Variants in ADCY5 observed in about 807,000 individuals in gnomAD.
ADCY5 encodes the protein adenylate cyclase 5.
ADCY5 carries 30 observed loss-of-function variants against 119.7 expected under a neutral mutation model. The observed-to-expected ratio is 0.25, with a 90% confidence interval of 0.19 to 0.34. The LOEUF (loss-of-function observed/expected upper bound fraction) is 0.34, where lower values mean the gene tolerates loss of function less well. Among genes scored for constraint, ADCY5 ranks in the 10% least tolerant of loss-of-function variants. The probability of loss-of-function intolerance (pLI) is 1.00; values close to 1 mark genes in which losing one functional copy is unlikely to be tolerated. For missense variants in ADCY5, 1,324 were observed against 1,775.2 expected (o/e 0.75, Z 4.57); for synonymous variants, 753 against 762.2 (o/e 0.99, Z 0.20).
intron 1 of ADCY5, among the ~76,000 whole-genome samples, chr3:123,443,573 C>T (rs1945759969): frequency 6.6e-6 from 1 of 152,176 alleles, no homozygotes; most frequent in Non-Finnish European, 1.5e-5. Context: ...CACACGTGCT[C>T]ACAGTCACAG....
At chr3:123,433,607 G>C (rs1234528150) in intron 1 of ADCY5, among the ~76,000 whole-genome samples, 2 of 152,158 alleles carry the variant, frequency 1.3e-5, no homozygotes, top group Admixed American at 1.3e-4. Context: ...GGTGTTGATG[G>C]TGCTGGGGAA....
At chr3:123,348,061 G>GTGTGTGTGTGTGTGTGTGTGTGTGTC (rs1347982680) in intron 2 of ADCY5, among the ~76,000 whole-genome samples, 158 bp from the exon 3 acceptor site, 2 of 150,638 alleles carry the variant, frequency 1.3e-5, no homozygotes, top group African/African-American at 4.9e-5. Flanking sequence ...GTGTGTGTGT[G>GTGTGTGTGTGTGTGTGTGTGTGTGTC]TGTCTGTGCA....
intron 1 of ADCY5, among the ~76,000 whole-genome samples, chr3:123,417,555 G>C (rs1301475667): frequency 6.6e-6 from 1 of 152,244 alleles, no homozygotes; most frequent in African/African-American, 2.4e-5. Flanking sequence ...CCACTTTGCT[G>C]AATGCTAGAG....
In ADCY5 at chr3:123,448,297, C is replaced by T. The variant is rs199649183; in HGVS notation, c.249G>A (p.Leu83=). The change falls in exon 1 of 21, where the codon CTG becomes CTA. Residue 83 remains leucine (L), a synonymous_variant. Coordinates refer to ENST00000462833, the MANE Select transcript of ADCY5 (RefSeq NM_183357.3). ...CCCCGGCCAGGGGGTCGTCACCGCT[C>T]AGCGGAGGATCGTCGTCGTCGTCGC... ...WRSDDDDDPP[L]SGDDPLAGGF... is the part of the protein sequence containing the mutation. 1.3e-6 allele frequency: 2 copies of T among 1,538,526 alleles called. No homozygotes were observed. The highest frequency in any genetic ancestry group is 1.2e-5 in the South Asian group (1 of 84,964).
chr3:123,286,321 A>G lies in ADCY5; in HGVS notation c.3657+364T>C, dbSNP rs1938756846. Among the ~76,000 whole-genome samples the G allele has an allele frequency of 6.6e-6, 1 of 152,106 alleles. No homozygotes were observed. Among genetic ancestry groups the G allele is most frequent in the African/African-American group, 2.4e-5 (1 of 41,412 alleles). ...CAGGAGTGCTGCAGGCTCAATGGGT[A>G]AGACCTGCTCCCTGCAGACATCTTT... On this transcript the variant is annotated intron_variant, in intron 20 of 20. Transcript: ENST00000462833. This position sits in a 1 kb window ranked among gnomAD's most constrained non-coding sequence, Gnocchi z 4.2.
At chr3:123,355,438 T>C (rs921666012) in intron 1 of ADCY5, among the ~76,000 whole-genome samples, 6 of 152,198 alleles carry the variant, frequency 3.9e-5, no homozygotes, top group African/African-American at 9.7e-5. Flanking sequence ...TTTCCATCCA[T>C]GGCTGGTTGA....
rs113296876 is a variant in ADCY5 at position 123,394,120 on chromosome 3, A to G, written c.1135-41539T>C. On this transcript the variant is annotated intron_variant, in intron 1 of 20. Transcript: ENST00000462833. ...ACTCCTGCCTAGGCAACAGAGTGAG[A>G]CTCTATCTCAAAAAAAAAAAGTTAG... Among the ~76,000 whole-genome samples the G allele has an allele frequency of 4.2e-3, 645 of 152,068 alleles. 8 individuals are homozygous for G. The highest frequency in any genetic ancestry group is 0.015 in the African/African-American group (627 of 41,470).
At chr3:123,438,100 G>A (rs1057173389) in intron 1 of ADCY5, among the ~76,000 whole-genome samples, 1 of 152,068 alleles carries the variant, frequency 6.6e-6, no homozygotes, top group African/African-American at 2.4e-5. Flanking sequence ...AGAGGCAAGG[G>A]GCTAGATCTT....
At chr3:123,389,117 G>A (rs1944323980) in intron 1 of ADCY5, among the ~76,000 whole-genome samples, 1 of 152,078 alleles carries the variant, frequency 6.6e-6, no homozygotes, top group Non-Finnish European at 1.5e-5. Context: ...GGGCTGCTCT[G>A]AGAAGCCAGG....
At chr3:123,330,220 T>C (rs950824355) in intron 5 of ADCY5, among the ~76,000 whole-genome samples, 1 of 152,236 alleles carries the variant, frequency 6.6e-6, no homozygotes, top group Non-Finnish European at 1.5e-5. Flanking sequence ...GCCTCTGACC[T>C]TGCCCTCTGT....
At chr3:123,301,382 G>A (rs1190424487) in intron 14 of ADCY5, among the ~76,000 whole-genome samples, 1 of 152,158 alleles carries the variant, frequency 6.6e-6, no homozygotes, top group African/African-American at 2.4e-5. Flanking sequence ...TCGCCACTGG[G>A]AACAGGAGCA....
intron 1 of ADCY5, among the ~76,000 whole-genome samples, chr3:123,368,312 G>T (rs556132680): frequency 6.6e-6 from 1 of 152,322 alleles, no homozygotes; most frequent in Non-Finnish European, 1.5e-5. Flanking sequence ...AAGTAGATGG[G>T]AGGCCAGGCA....
At chr3:123,313,351 G>A (rs1162287909) in intron 12 of ADCY5, among the ~76,000 whole-genome samples, 1 of 152,198 alleles carries the variant, frequency 6.6e-6, no homozygotes, top group Non-Finnish European at 1.5e-5. Context: ...GGAAGACATG[G>A]TGCTCACTGC....
At chr3:123,311,590 C>A (rs1316289032) in intron 12 of ADCY5, among the ~76,000 whole-genome samples, 3 of 152,142 alleles carry the variant, frequency 2.0e-5, no homozygotes, top group African/African-American at 7.2e-5. Flanking sequence ...GCGGACAAAC[C>A]CTGAGAAGAG....
chr3:123,409,375 T>A (rs116388347), intron 1 of ADCY5, among the ~76,000 whole-genome samples: 2,790 of 152,090 alleles, frequency 0.018, 78 homozygotes, highest in African/African-American at 0.063. Context: ...CCAGGTAGCA[T>A]GTGGGGAAAA....
At chr3:123,285,824 G>A (rs1034395126) in intron 20 of ADCY5, among the ~76,000 whole-genome samples, 2 of 152,248 alleles carry the variant, frequency 1.3e-5, no homozygotes, top group Non-Finnish European at 2.9e-5. Context: ...AGGCCATTAA[G>A]GCCAGGCCCC....
In ADCY5 at chr3:123,286,891, CCTT is replaced by C. The variant is rs2108163969; in HGVS notation, c.3533-85_3533-83del. On this transcript the variant is annotated intron_variant, in intron 19 of 20. Coordinates refer to ENST00000462833, the MANE Select transcript of ADCY5 (RefSeq NM_183357.3). The surrounding 1 kb of genome is among the most constrained non-coding windows in gnomAD (Gnocchi z 4.2). ...ATCTGTCTCCCCACATGCTGCAGGTCCTTCTGACTCCCAACCTGAGACACCCGT... is the reference window on the plus strand; with the variant it reads ...ATCTGTCTCCCCACATGCTGCAGGTCCTGACTCCCAACCTGAGACACCCGT... 6.7e-7 allele frequency: 1 copy of C among 1,495,784 alleles called. No homozygotes were observed. Among genetic ancestry groups the C allele is most frequent in the South Asian group, 1.4e-5 (1 of 73,614 alleles). 92.7% of individuals were successfully genotyped at this position (1,495,784 alleles called of 1,614,324 possible). A position where few individuals can be genotyped will look rare whatever the true frequency, so the allele number is the denominator to read the frequency against.
intron 3 of ADCY5, among the ~76,000 whole-genome samples, chr3:123,341,700 C>A (rs938249502): frequency 6.6e-6 from 1 of 151,716 alleles, no homozygotes; most frequent in Non-Finnish European, 1.5e-5. Context: ...AAGACCCAAC[C>A]CTACTGACTC....
At chr3:123,317,266 C>A (rs1940962352) in intron 11 of ADCY5, among the ~76,000 whole-genome samples, 3 of 152,124 alleles carry the variant, frequency 2.0e-5, no homozygotes, top group Admixed American at 2.0e-4. Flanking sequence ...TTGTGAAATA[C>A]CTCCAGAACT....
Sources: gnomAD v4.1 joint callset for allele counts (sites outside exome capture counted in the v4.1 genomes callset) on GRCh38, gnomAD v4.1.1 for gene constraint, Gnocchi (gnomAD v3.1) non-coding constraint, MANE v1.5 for transcripts, NCBI Gene and HGNC (gene_info 2026-07-23, HGNC 2026-07-21) for gene names.